The following C16orf78 variants were observed in gnomAD, a reference collection of about 807,000 sequenced individuals.
C16orf78 encodes the protein chromosome 16 open reading frame 78.
A neutral mutation model predicts 27.3 loss-of-function variants in C16orf78; 19 were observed. The ratio of observed to expected loss-of-function variants is 0.70; its 90% CI spans 0.49 to 1.02. C16orf78 has a LOEUF of 1.02. C16orf78 is among the 50% of genes least tolerant of loss of function. The pLI, the probability that C16orf78 is intolerant of heterozygous loss-of-function variation, is 0.00. For synonymous variants in C16orf78, 130 were observed against 116.1 expected (o/e 1.12, Z -0.77); for missense variants, 339 against 337.0 (o/e 1.01, Z -0.05).
In C16orf78 at chr16:49,396,121, A is replaced by AGG. The variant is rs557518298; in HGVS notation, c.395-301_395-300dup. On this transcript the variant is annotated intron_variant, in intron 3 of 4. Transcript: ENST00000299191. ...ATCAGGAGTGGAGGCATGTGCCTAT[A>AGG]GGCCCAGCTACTCGGGAGGGTGAAG... Among the ~76,000 whole-genome samples, 475 of 152,252 alleles carry AGG rather than the reference A, an allele frequency of 3.1e-3. 3 individuals are homozygous for AGG. The highest frequency in any genetic ancestry group is 0.021 in the Middle Eastern group (6 of 292).
chr16:49,374,263 G>A (rs1965189434), intron 1 of C16orf78, among the ~76,000 whole-genome samples, 174 bp downstream of exon 1: 1 of 152,214 alleles, frequency 6.6e-6, no homozygotes, highest in African/African-American at 2.4e-5. Context: ...TAGTTAATAT[G>A]ATTAGGCTGT....
chr16:49,393,092 C>A (rs1178380796), intron 3 of C16orf78, among the ~76,000 whole-genome samples: 1 of 152,172 alleles, frequency 6.6e-6, no homozygotes, highest in African/African-American at 2.4e-5. Context: ...GTCAATTAAA[C>A]CTCTTTCCTT....
chr16:49,396,701 C>T, intron 4 of C16orf78, 23 bp downstream of exon 4: 2 of 1,599,040 alleles, frequency 1.3e-6, no homozygotes, highest in Non-Finnish European at 1.7e-6. Context: ...ACCCCCTGGG[C>T]AGATGGGGTG....
Position 49,396,544 on chromosome 16 carries a change from C to G in C16orf78, c.516C>G (p.Thr172=), listed in dbSNP as rs767134665. Residue 172 remains threonine (T), a synonymous_variant, in exon 4 of 5, where the codon ACC becomes ACG. Transcript: ENST00000299191. ...GTACCTTTAACAGCCAGAGGGCAACCTTCATAAGAGACTGGTCCAACAAGA... is the reference window on the plus strand; with the variant it reads ...GTACCTTTAACAGCCAGAGGGCAACGTTCATAAGAGACTGGTCCAACAAGA... The part of the protein sequence containing the change: ...QEGTFNSQRA[T]FIRDWSNKMP... 1.9e-6 allele frequency: 3 copies of G among 1,610,816 alleles called. No individual in the cohort carries two copies. Among genetic ancestry groups the G allele is most frequent in the Non-Finnish European group, 2.5e-6 (3 of 1,179,974 alleles).
chr16:49,373,998 G>C lies in C16orf78; in HGVS notation c.59G>C (p.Trp20Ser). 1 of 1,614,180 alleles carries C rather than the reference G, an allele frequency of 6.2e-7. No individual in the cohort carries two copies. The highest frequency in any genetic ancestry group is 8.5e-7 in the Non-Finnish European group (1 of 1,180,030). ...ATGCCCACAAAGAGGAAATACATGT[G>C]GAAGACTGCTGAAGATAGGCGCATG... ...DLMPTKRKYM[W>S]KTAEDRRMSD... Residue 20 changes from tryptophan (W) to serine (S), a missense_variant, in exon 1 of 5, where the codon TGG (tryptophan) becomes TCG (serine). Physicochemically the swap from Trp to Ser is radical, Grantham distance 177 (BLOSUM62 -3). Transcript: ENST00000299191.
intron 1 of C16orf78, among the ~76,000 whole-genome samples, chr16:49,376,252 C>G (rs1965216341): frequency 6.6e-6 from 1 of 152,198 alleles, no homozygotes. Flanking sequence ...CATGGTATTT[C>G]CCCCTTGTGA....
intron 3 of C16orf78, among the ~76,000 whole-genome samples, chr16:49,391,919 G>A (rs1567394097): frequency 6.6e-6 from 1 of 152,154 alleles, no homozygotes; most frequent in Non-Finnish European, 1.5e-5. Flanking sequence ...AACAGGGACT[G>A]CTGAGGCCAC....
chr16:49,384,113 C>T (rs1035756337), intron 3 of C16orf78, among the ~76,000 whole-genome samples: 1 of 152,092 alleles, frequency 6.6e-6, no homozygotes, highest in Non-Finnish European at 1.5e-5. Flanking sequence ...CTTTGGGAGG[C>T]CAAGGCAGGT....
intron 3 of C16orf78, among the ~76,000 whole-genome samples, chr16:49,390,466 C>A (rs1965399053): frequency 6.6e-6 from 1 of 152,130 alleles, no homozygotes; most frequent in African/African-American, 2.4e-5. Flanking sequence ...AGCTTCAAGT[C>A]CACTAATCTT....
chr16:49,377,708 G>A, intron 1 of C16orf78, 23 bp from the exon 2 acceptor site: 1 of 1,597,356 alleles, frequency 6.3e-7, no homozygotes, highest in Non-Finnish European at 8.5e-7. Context: ...TGGCTGCAGG[G>A]CTCTCTTCCC....
At chr16:49,384,385 TG>T (rs150739756) in intron 3 of C16orf78, among the ~76,000 whole-genome samples, 8,064 of 147,224 alleles carry the variant, frequency 0.055, 603 homozygotes, top group African/African-American at 0.16. Flanking sequence ...AACTAATTCC[TG>T]GAGCTGAAGA....
intron 3 of C16orf78, among the ~76,000 whole-genome samples, chr16:49,381,754 TCAGGAAACAA>T (rs1240189667): frequency 6.6e-6 from 1 of 151,148 alleles, no homozygotes. Flanking sequence ...CATTAAAAAG[TCAGGAAACAA>T]CAGGTGCTGG....
chr16:49,380,617 G>T (rs1297471769), intron 3 of C16orf78, among the ~76,000 whole-genome samples: 1 of 152,200 alleles, frequency 6.6e-6, no homozygotes, highest in Non-Finnish European at 1.5e-5. Flanking sequence ...CAGAGGGAAA[G>T]AATTACATCT....
intron 3 of C16orf78, among the ~76,000 whole-genome samples, chr16:49,386,167 T>G (rs1013917304): frequency 3.3e-5 from 5 of 152,214 alleles, no homozygotes; most frequent in African/African-American, 1.2e-4. Flanking sequence ...ACAACTGAAA[T>G]ATTTATTCAC....
At chr16:49,375,240 G>C (rs1053362482) in intron 1 of C16orf78, among the ~76,000 whole-genome samples, 1 of 152,066 alleles carries the variant, frequency 6.6e-6, no homozygotes, top group Non-Finnish European at 1.5e-5. Context: ...TGCCTTTGGG[G>C]AAAGCTTCCA....
At chr16:49,388,004 G>A (rs879431929) in intron 3 of C16orf78, among the ~76,000 whole-genome samples, 2 of 152,134 alleles carry the variant, frequency 1.3e-5, no homozygotes, top group Non-Finnish European at 2.9e-5. Flanking sequence ...AAAAAACCAG[G>A]CCAGCTGTGG....
chr16:49,393,814 G>T (rs954023553), intron 3 of C16orf78, among the ~76,000 whole-genome samples: 1 of 151,940 alleles, frequency 6.6e-6, no homozygotes, highest in Non-Finnish European at 1.5e-5. Context: ...TTTTGAAAAA[G>T]CAAGTGACAT....
chr16:49,389,593 A>T (rs1965389365), intron 3 of C16orf78, among the ~76,000 whole-genome samples: 3 of 152,130 alleles, frequency 2.0e-5, no homozygotes, highest in Admixed American at 2.0e-4. Context: ...GAGACTCTGT[A>T]TTAAAAAGTA....
Position 49,388,656 on chromosome 16 carries a change from T to C in C16orf78, c.395-7767T>C, listed in dbSNP as rs56937722. On this transcript the variant is annotated intron_variant, in intron 3 of 4. Transcript: ENST00000299191. ...CCCCTCAAGTAGCTGGGATTACAGG[T>C]GCACGCCACCATGGCCAGCAAATTT... 5.8e-3 allele frequency among the ~76,000 whole-genome samples: 880 copies of C among 152,194 alleles called. 10 individuals carry two copies. The highest frequency in any genetic ancestry group is 0.02 in the African/African-American group (845 of 41,540).
Sources: allele counts gnomAD v4.1 joint callset (sites outside exome capture counted in the v4.1 genomes callset), GRCh38; gene constraint gnomAD v4.1.1; transcripts MANE v1.5; gene names NCBI Gene and HGNC (gene_info 2026-07-23, HGNC 2026-07-21).